RPS6KC1: variants seen among roughly 807,000 people sequenced by gnomAD.
RPS6KC1 encodes the protein ribosomal protein S6 kinase C1.
RPS6KC1 carries 54 observed loss-of-function variants against 103.8 expected under a neutral mutation model. That is an observed-to-expected ratio of 0.52 (90% CI 0.42 to 0.65). RPS6KC1 has a LOEUF of 0.65. Ranked by LOEUF, RPS6KC1 falls within the 30% of genes least tolerant of loss-of-function variation. The pLI is 0.00. For synonymous variants in RPS6KC1, 439 were observed against 438.7 expected (o/e 1.00, Z -0.01); for missense variants, 1,151 against 1,253.8 (o/e 0.92, Z 1.24).
chr1:213,842,306 T>G, the RPS6KC1 span: 1 of 152,046 alleles, frequency 6.6e-6, no homozygotes, highest in African/African-American at 2.4e-5. Flanking sequence ...AAATACATGA[T>G]TTTGTAGGTT....
At chr1:213,641,786 T>G in the RPS6KC1 span, among the ~76,000 whole-genome samples, 1 of 151,486 alleles carries the variant, frequency 6.6e-6, no homozygotes, top group Non-Finnish European at 1.5e-5. Flanking sequence ...GGCAAAGTGA[T>G]AGAAGGACAT....
chr1:213,309,524 A>G, the RPS6KC1 span, among the ~76,000 whole-genome samples: 3 of 152,196 alleles, frequency 2.0e-5, no homozygotes, highest in Non-Finnish European at 2.9e-5. Context: ...TAGTCCAGCT[A>G]TCTCACTTTT....
intron 6 of RPS6KC1, among the ~76,000 whole-genome samples, chr1:213,143,710 A>G (rs2087367408): frequency 6.6e-6 from 1 of 151,960 alleles, no homozygotes; most frequent in Non-Finnish European, 1.5e-5. Flanking sequence ...TTGGTGCTTT[A>G]ACTACTTAAC....
At chr1:213,218,068 A>G (rs1017071735) in intron 8 of RPS6KC1, among the ~76,000 whole-genome samples, 6 of 152,186 alleles carry the variant, frequency 3.9e-5, no homozygotes, top group Non-Finnish European at 5.9e-5. Context: ...CAATTAGGAA[A>G]AGAGGAAGTC....
intron 5 of RPS6KC1, among the ~76,000 whole-genome samples, chr1:213,119,920 T>C (rs1180430328): frequency 6.6e-6 from 1 of 152,178 alleles, no homozygotes; most frequent in African/African-American, 2.4e-5. Context: ...CTGAGAATTA[T>C]AGACAGTGCT....
chr1:213,529,303 A>G, the RPS6KC1 span, among the ~76,000 whole-genome samples: 7 of 152,324 alleles, frequency 4.6e-5, no homozygotes, highest in African/African-American at 1.4e-4. Flanking sequence ...TGGAGCCTCC[A>G]TGGTGGTGGG....
intron 6 of RPS6KC1, among the ~76,000 whole-genome samples, chr1:213,152,681 TGGC>T (rs1284480292): frequency 2.7e-5 from 4 of 147,316 alleles, no homozygotes; most frequent in African/African-American, 5.1e-5. Context: ...CTAGATGTGA[TGGC>T]GGCCGGGCAG....
chr1:213,278,327 C>T (rs1214523741), downstream of RPS6KC1, among the ~76,000 whole-genome samples: 2 of 151,864 alleles, frequency 1.3e-5, no homozygotes, highest in Non-Finnish European at 2.9e-5. Flanking sequence ...GAGCCTGTTT[C>T]AGTGCCAATA....
the RPS6KC1 span, among the ~76,000 whole-genome samples, chr1:213,521,543 A>G: frequency 6.6e-6 from 1 of 152,116 alleles, no homozygotes; most frequent in African/African-American, 2.4e-5. Flanking sequence ...TTCACAAAAG[A>G]TTTCTCTAGC....
At chr1:213,476,256 A>G in the RPS6KC1 span, among the ~76,000 whole-genome samples, 1 of 152,108 alleles carries the variant, frequency 6.6e-6, no homozygotes, top group Non-Finnish European at 1.5e-5. Flanking sequence ...TGGTCACATG[A>G]CGTGCTGGCT....
chr1:213,729,002 C>T, the RPS6KC1 span, among the ~76,000 whole-genome samples: 13 of 127,346 alleles, frequency 1.0e-4, no homozygotes, highest in African/African-American at 3.6e-4. Flanking sequence ...GCAGGGTAAG[C>T]ACATTTTAAA....
At chr1:213,548,504 T>G in the RPS6KC1 span, among the ~76,000 whole-genome samples, 1 of 151,976 alleles carries the variant, frequency 6.6e-6, no homozygotes. Context: ...CTACTAAAAG[T>G]ACAAAAATTA....
intron 8 of RPS6KC1, among the ~76,000 whole-genome samples, chr1:213,192,032 G>A (rs1325216429): frequency 1.3e-5 from 2 of 152,038 alleles, no homozygotes; most frequent in East Asian, 1.9e-4. Flanking sequence ...GGGATTACAG[G>A]TGTGAGCCAC....
the RPS6KC1 span, among the ~76,000 whole-genome samples, chr1:213,382,341 G>A: frequency 1.3e-5 from 2 of 152,202 alleles, no homozygotes; most frequent in Non-Finnish European, 2.9e-5. Flanking sequence ...TCTCTGGCAT[G>A]TTGATCTGTG....
chr1:213,386,033 T>C, the RPS6KC1 span, among the ~76,000 whole-genome samples: 118 of 152,202 alleles, frequency 7.8e-4, no homozygotes, highest in African/African-American at 2.4e-3. Context: ...ATGTTGGAGG[T>C]GGGGCCTGGT....
chr1:213,820,014 A>G, the RPS6KC1 span: 4 of 152,154 alleles, frequency 2.6e-5, no homozygotes, highest in African/African-American at 9.7e-5. Context: ...AATGGCAGGA[A>G]AGGGGAGCAA....
At chr1:213,794,229 T>A in the RPS6KC1 span, among the ~76,000 whole-genome samples, 1 of 152,184 alleles carries the variant, frequency 6.6e-6, no homozygotes, top group Non-Finnish European at 1.5e-5. Flanking sequence ...TTACTTATAT[T>A]TTTTTAAAAA....
At chr1:213,119,147 G>C (rs762754880) in intron 5 of RPS6KC1, among the ~76,000 whole-genome samples, 9 of 151,810 alleles carry the variant, frequency 5.9e-5, no homozygotes, top group African/African-American at 4.8e-5. Flanking sequence ...AGGAGAGTTA[G>C]AAATATTTGT....
chr1:213,264,440 T>C (rs2094869291), intron 14 of RPS6KC1, among the ~76,000 whole-genome samples: 3 of 152,196 alleles, frequency 2.0e-5, no homozygotes, highest in Non-Finnish European at 4.4e-5. Context: ...GACTGGCAAC[T>C]GCTATTTTTT....
Sources: gnomAD v4.1 joint callset for allele counts (sites outside exome capture counted in the v4.1 genomes callset) on GRCh38, gnomAD v4.1.1 for gene constraint, MANE v1.5 for transcripts, NCBI Gene and HGNC (gene_info 2026-07-23, HGNC 2026-07-21) for gene names.